The following ATRX variants were observed in gnomAD, a reference collection of about 807,000 sequenced individuals.
ATRX encodes the protein chromatin remodeler ATRX.
Under a neutral mutation model 172.6 loss-of-function variants are expected in ATRX, and 12 were observed. The observed-to-expected ratio is 0.07, with a 90% CI of 0.04 to 0.11. The LOEUF is 0.11. ATRX is among the 10% of genes least tolerant of loss of function. The probability of loss-of-function intolerance (pLI) is 1.00; values close to 1 mark genes in which losing one functional copy is unlikely to be tolerated. For synonymous variants in ATRX, 674 were observed against 594.7 expected, an observed-to-expected ratio of 1.13 and a Z score of -1.94; for missense variants, 1,368 against 1,767.4, an observed-to-expected ratio of 0.77 and a Z score of 4.05.
chrX:77,759,786 C>T (rs1348696668), intron 1 of ATRX, among the ~76,000 whole-genome samples: 4 of 110,818 alleles, frequency 3.6e-5, no homozygotes, highest in Non-Finnish European at 7.6e-5. Context: ...ATCAGTGCTG[C>T]CCAACAGACA....
chrX:77,535,727 T>C (rs2063727093), intron 30 of ATRX, among the ~76,000 whole-genome samples: 1 of 109,348 alleles, frequency 9.1e-6, no homozygotes, highest in Non-Finnish European at 1.9e-5. Context: ...AATTATGTCT[T>C]TTTTTTTTGA....
chrX:77,615,902 AT>A (rs1225171627), intron 22 of ATRX: 10 of 725,826 alleles, frequency 1.4e-5, no homozygotes, highest in Non-Finnish European at 1.5e-5. Context: ...CAGTAATATC[AT>A]TTGGGGAAAG....
intron 1 of ATRX, among the ~76,000 whole-genome samples, chrX:77,781,441 CAAA>C (rs781859880): frequency 6.9e-5 from 2 of 28,897 alleles, no homozygotes; most frequent in Non-Finnish European, 6.8e-5. Context: ...GACTCTGTCT[CAAA>C]AAAAAAAAAA....
intron 1 of ATRX, among the ~76,000 whole-genome samples, chrX:77,733,980 G>A (rs1470541761): frequency 9.1e-6 from 1 of 109,447 alleles, no homozygotes; most frequent in Admixed American, 9.9e-5. Flanking sequence ...GAGGTGAGCA[G>A]ATCACAAGGT....
chrX:77,509,978 C>T (rs1208288811), intron 34 of ATRX, among the ~76,000 whole-genome samples: 1 of 109,260 alleles, frequency 9.2e-6, no homozygotes, highest in African/African-American at 3.4e-5. Context: ...TTGTGCCACA[C>T]CTTCGCAAAC....
intron 30 of ATRX, among the ~76,000 whole-genome samples, chrX:77,533,586 A>AC (rs1179345337): frequency 9.0e-6 from 1 of 110,929 alleles, no homozygotes; most frequent in Non-Finnish European, 1.9e-5. Context: ...ATCGATGAGA[A>AC]CACATGGACA....
intron 2 of ATRX, among the ~76,000 whole-genome samples, chrX:77,699,867 C>T (rs1415951342): frequency 2.7e-5 from 3 of 111,839 alleles, no homozygotes; most frequent in Non-Finnish European, 5.6e-5. Context: ...AGGACTAATA[C>T]CAATCCTTCA....
chrX:77,702,440 C>CAAA (rs1482461075), intron 2 of ATRX, among the ~76,000 whole-genome samples: 34 of 109,313 alleles, frequency 3.1e-4, no homozygotes, highest in Non-Finnish European at 2.5e-4. Context: ...AAGACTATCT[C>CAAA]AAAAAATAAT....
In ATRX at chrX:77,563,779, G is replaced by C. The variant is rs555028598; in HGVS notation, c.6327-4933C>G. ...CATTAGCCTCACTGTGATTATGGAAGCTGTGAAGTGCTACAATGTACTGTT... is the reference window on the plus strand; with the variant it reads ...CATTAGCCTCACTGTGATTATGGAACCTGTGAAGTGCTACAATGTACTGTT... On this transcript the variant is annotated intron_variant, in intron 28 of 34. Coordinates refer to ENST00000373344, the MANE Select transcript of ATRX (RefSeq NM_000489.6). Among the ~76,000 whole-genome samples, 3 of 107,964 alleles carry C rather than the reference G, an allele frequency of 2.8e-5. No individual in the cohort carries two copies. In the South Asian group the frequency reaches 1.3e-3, roughly 45 times the overall value. 93.8% of individuals were successfully genotyped at this position (107,964 alleles called of 115,157 possible). A position where few individuals can be genotyped will look rare whatever the true frequency, so the allele number is the denominator to read the frequency against.
At chrX:77,513,284 T>C (rs782436093) in intron 34 of ATRX, among the ~76,000 whole-genome samples, 75 of 81,137 alleles carry the variant, frequency 9.2e-4, no homozygotes, top group Non-Finnish European at 6.5e-4. Context: ...GCCACTGCAC[T>C]CCAGCCTGGG....
intron 1 of ATRX, among the ~76,000 whole-genome samples, chrX:77,733,931 C>G (rs932136915): frequency 5.5e-5 from 6 of 108,837 alleles, no homozygotes; most frequent in Non-Finnish European, 9.5e-5. Flanking sequence ...GGGCCAGGCA[C>G]GCTGGCTCAC....
At chrX:77,771,608 G>C (rs1203061430) in intron 1 of ATRX, among the ~76,000 whole-genome samples, 2 of 108,338 alleles carry the variant, frequency 1.8e-5, no homozygotes, top group African/African-American at 3.4e-5. Flanking sequence ...TGTCTCTCTT[G>C]GGAAAATACT....
rs1296610992 is a variant in ATRX at position 77,506,870 on chromosome X, C to A, written c.*1481G>T. Reference sequence around the variant, plus strand: ...TTAAACTCATTCTAATCCAGTGATACCTAAAGCAAAGCCCAAACCCAGTTT... The same window carrying A: ...TTAAACTCATTCTAATCCAGTGATAACTAAAGCAAAGCCCAAACCCAGTTT... On this transcript the variant is annotated 3_prime_UTR_variant, in exon 35 of 35. Coordinates refer to ENST00000373344, the MANE Select transcript of ATRX (RefSeq NM_000489.6). 2 of 159,638 alleles carry A rather than the reference C, an allele frequency of 1.3e-5. No individual in the cohort carries two copies. Among genetic ancestry groups the A allele is most frequent in the Non-Finnish European group, 2.4e-5 (2 of 84,159 alleles). The allele number at this position is 159,638 out of a possible 1,213,427, so 13.2% of individuals were successfully genotyped here.
Position 77,698,722 on chromosome X carries a change from A to G in ATRX, c.134-93T>C, listed in dbSNP as rs1206161710. On this transcript the variant is annotated intron_variant, in intron 2 of 34. Coordinates refer to ENST00000373344, the MANE Select transcript of ATRX (RefSeq NM_000489.6). Reference sequence around the variant, plus strand: ...TATAACTCCACAAACCCATTCTCACACTATGAAGTCTGGCAGTATTGTTAA... The same window carrying G: ...TATAACTCCACAAACCCATTCTCACGCTATGAAGTCTGGCAGTATTGTTAA... The G allele has an allele frequency of 5.7e-6, 4 of 695,685 alleles. No homozygotes were observed. In the East Asian group the frequency reaches 1.3e-4, roughly 23 times the overall value. The allele number at this position is 695,685 out of a possible 1,213,427, so 57.3% of individuals were successfully genotyped here.
intron 10 of ATRX, among the ~76,000 whole-genome samples, chrX:77,665,762 T>C (rs2070201131): frequency 9.0e-6 from 1 of 111,317 alleles, no homozygotes; most frequent in South Asian, 3.7e-4. Context: ...AACAAGAAAA[T>C]AGCTTATAGA....
intron 30 of ATRX, among the ~76,000 whole-genome samples, chrX:77,543,255 A>T (rs2064088246): frequency 1.8e-5 from 2 of 112,451 alleles, no homozygotes; most frequent in Non-Finnish European, 3.8e-5. Flanking sequence ...AACCACAATG[A>T]AATACCATCT....
chrX:77,721,866 C>T (rs890541118), intron 1 of ATRX, among the ~76,000 whole-genome samples: 4 of 111,533 alleles, frequency 3.6e-5, no homozygotes, highest in Non-Finnish European at 7.5e-5. Context: ...CACAGGGCCA[C>T]GACAATCCTA....
chrX:77,529,615 A>G (rs1370999906), intron 30 of ATRX, among the ~76,000 whole-genome samples: 4 of 111,723 alleles, frequency 3.6e-5, no homozygotes, highest in African/African-American at 1.3e-4. Context: ...TGCTGAGGGC[A>G]TTCATCACTA....
At chrX:77,684,641 T>C (rs2148641033) in intron 8 of ATRX, 48 bp from the exon 9 acceptor site, 2 of 1,103,144 alleles carry the variant, frequency 1.8e-6, no homozygotes, top group Non-Finnish European at 2.5e-6. Flanking sequence ...TTCAGGAAAC[T>C]GAAAAGATAT....
Sources: gnomAD v4.1 joint callset for allele counts (sites outside exome capture counted in the v4.1 genomes callset) on GRCh38, gnomAD v4.1.1 for gene constraint, MANE v1.5 for transcripts, NCBI Gene and HGNC (gene_info 2026-07-23, HGNC 2026-07-21) for gene names.